Variants in DLG2 observed in about 807,000 individuals in gnomAD.
DLG2 encodes the protein discs large MAGUK scaffold protein 2, also known as disks large homolog 2.
A neutral mutation model predicts 132.5 loss-of-function variants in DLG2; 45 were observed. The ratio of observed to expected loss-of-function variants is 0.34; its 90% CI spans 0.27 to 0.44. The LOEUF is 0.44. DLG2 is among the 20% of genes least tolerant of loss of function. DLG2 has a pLI of 1.00. For missense variants in DLG2, 1,045 were observed against 1,196.9 expected, an observed-to-expected ratio of 0.87 and a Z score of 1.87; for synonymous variants, 424 against 419.6, an observed-to-expected ratio of 1.01 and a Z score of -0.13.
At chr11:84,890,447 G>C (rs2089173712) in intron 6 of DLG2, among the ~76,000 whole-genome samples, 1 of 152,152 alleles carries the variant, frequency 6.6e-6, no homozygotes, top group African/African-American at 2.4e-5. Context: ...ATTTTTAACA[G>C]TTTGAATAAG....
At chr11:85,174,932 C>T (rs2079116427) in intron 4 of DLG2, among the ~76,000 whole-genome samples, 1 of 152,162 alleles carries the variant, frequency 6.6e-6, no homozygotes, top group Middle Eastern at 3.4e-3. Flanking sequence ...AATTAAAGCC[C>T]TGAATAGACC....
At chr11:83,930,599 T>C (rs2079990654) in intron 14 of DLG2, 116 bp from the exon 15 acceptor site, 5 of 1,118,232 alleles carry the variant, frequency 4.5e-6, no homozygotes, top group Middle Eastern at 2.1e-4. Flanking sequence ...TTTATCTTGA[T>C]TTGTTACTAA....
intron 6 of DLG2, among the ~76,000 whole-genome samples, chr11:85,030,502 A>G (rs969416622): frequency 2.0e-5 from 3 of 152,224 alleles, no homozygotes; most frequent in Non-Finnish European, 4.4e-5. Flanking sequence ...GAGTACAAGC[A>G]GTGATCAAAT....
At chr11:84,783,278 G>A (rs2072162279) in intron 6 of DLG2, among the ~76,000 whole-genome samples, 1 of 152,048 alleles carries the variant, frequency 6.6e-6, no homozygotes, top group Non-Finnish European at 1.5e-5. Flanking sequence ...TCCTATCACG[G>A]CCTTAGTTTT....
chr11:84,993,590 C>T (rs1451183746), intron 6 of DLG2, among the ~76,000 whole-genome samples: 2 of 152,174 alleles, frequency 1.3e-5, no homozygotes, highest in Admixed American at 6.5e-5. Flanking sequence ...GGGTACTTTA[C>T]TGCCTCGCCA....
intron 6 of DLG2, among the ~76,000 whole-genome samples, chr11:85,029,383 T>C (rs1223921090): frequency 6.6e-6 from 1 of 152,212 alleles, no homozygotes; most frequent in Non-Finnish European, 1.5e-5. Flanking sequence ...TCCACATGTC[T>C]TCACTGATGA....
intron 8 of DLG2, among the ~76,000 whole-genome samples, chr11:84,169,359 A>C (rs2095757769): frequency 6.6e-6 from 1 of 152,198 alleles, no homozygotes; most frequent in Admixed American, 6.5e-5. Flanking sequence ...TTCTGGATAC[A>C]AATCTATAAG....
At chr11:85,456,304 T>C (rs2092420185) in intron 3 of DLG2, among the ~76,000 whole-genome samples, 1 of 152,200 alleles carries the variant, frequency 6.6e-6, no homozygotes, top group Admixed American at 6.5e-5. Flanking sequence ...GTGGGGTTGG[T>C]GGTAATGTCC....
At chr11:83,893,254 A>AGG (rs1375088111) in intron 15 of DLG2, among the ~76,000 whole-genome samples, 1 of 152,214 alleles carries the variant, frequency 6.6e-6, no homozygotes. Context: ...TTCAAGCATA[A>AGG]CATCAGGTCA....
chr11:84,393,602 G>C (rs1433882986), intron 7 of DLG2, among the ~76,000 whole-genome samples: 1 of 152,000 alleles, frequency 6.6e-6, no homozygotes. Flanking sequence ...TGTAGCAGTA[G>C]TTTCAATAAT....
chr11:85,315,812 T>C (rs893823491), intron 3 of DLG2, among the ~76,000 whole-genome samples: 1 of 151,958 alleles, frequency 6.6e-6, no homozygotes, highest in Non-Finnish European at 1.5e-5. Flanking sequence ...CAGGAGGCTG[T>C]GTAGGATATT....
At chr11:84,534,953 T>C (rs2099351815) in intron 6 of DLG2, 1 of 662,156 alleles carries the variant, frequency 1.5e-6, no homozygotes, top group East Asian at 2.7e-5. Context: ...TCCAGACTTG[T>C]TTCTGCCTGA....
chr11:84,730,386 A>G (rs543574085), intron 6 of DLG2, among the ~76,000 whole-genome samples: 12 of 152,232 alleles, frequency 7.9e-5, no homozygotes, highest in African/African-American at 2.9e-4. Context: ...ATAAATGCTT[A>G]ATAATATCCA....
intron 7 of DLG2, among the ~76,000 whole-genome samples, chr11:84,421,039 C>G (rs750187985): frequency 1.3e-5 from 2 of 152,198 alleles, no homozygotes; most frequent in Middle Eastern, 3.4e-3. Context: ...AGGTGGAGCT[C>G]TTGAAGTCCT....
At chr11:84,498,477 A>C (rs1235997405) in intron 7 of DLG2, among the ~76,000 whole-genome samples, 1 of 152,146 alleles carries the variant, frequency 6.6e-6, no homozygotes, top group Non-Finnish European at 1.5e-5. Context: ...CCACATTCTA[A>C]GGTTCTCTTA....
At chr11:84,053,571 A>G (rs1318214704) in intron 11 of DLG2, among the ~76,000 whole-genome samples, 1 of 151,964 alleles carries the variant, frequency 6.6e-6, no homozygotes, top group Non-Finnish European at 1.5e-5. Flanking sequence ...AAATATGGTA[A>G]TAAGAGTAAA....
intron 6 of DLG2, among the ~76,000 whole-genome samples, chr11:84,819,363 C>T (rs1012898469): frequency 6.6e-6 from 1 of 151,874 alleles, no homozygotes; most frequent in Admixed American, 6.6e-5. Context: ...ACTTCCAGTG[C>T]ATGTCAGCAG....
At chr11:84,851,046 TAATAGG>T (rs1424911354) in intron 6 of DLG2, among the ~76,000 whole-genome samples, 1 of 152,016 alleles carries the variant, frequency 6.6e-6, no homozygotes, top group African/African-American at 2.4e-5. Context: ...TGACTCAAAT[TAATAGG>T]AATAAGTGAA....
At chr11:85,541,217 C>CA (rs1401725809) in intron 3 of DLG2, among the ~76,000 whole-genome samples, 1 of 151,972 alleles carries the variant, frequency 6.6e-6, no homozygotes, top group Non-Finnish European at 1.5e-5. Context: ...ACATCAGATT[C>CA]AAAAAATAAT....
Sources: gnomAD v4.1 joint callset for allele counts (sites outside exome capture counted in the v4.1 genomes callset) on GRCh38, gnomAD v4.1.1 for gene constraint, MANE v1.5 for transcripts, NCBI Gene and HGNC (gene_info 2026-07-23, HGNC 2026-07-21) for gene names.